Variants in SPATA16 observed in about 807,000 individuals in gnomAD.
The protein encoded by SPATA16 is spermatogenesis-associated protein 16.
In SPATA16, 36 loss-of-function variants were observed where a neutral mutation model predicts 63.3. That is an observed-to-expected ratio of 0.57 (90% confidence interval 0.44 to 0.75). The LOEUF (loss-of-function observed/expected upper bound fraction) is 0.75, where lower values mean the gene tolerates loss of function less well. SPATA16 is among the 30% of genes least tolerant of loss of function. The probability of loss-of-function intolerance (pLI) is 0.00; values close to 1 mark genes in which losing one functional copy is unlikely to be tolerated. For synonymous variants in SPATA16, 203 were observed against 216.7 expected, an observed-to-expected ratio of 0.94 and a Z score of 0.56; for missense variants, 646 against 679.3, an observed-to-expected ratio of 0.95 and a Z score of 0.54.
intron 5 of SPATA16, 29 bp from the exon 6 acceptor site, chr3:172,956,853 A>G (rs1330970980): frequency 6.2e-7 from 1 of 1,612,644 alleles, no homozygotes; most frequent in Non-Finnish European, 8.5e-7. Flanking sequence ...CCCATTTGGC[A>G]TCAATAACAA....
intron 2 of SPATA16, among the ~76,000 whole-genome samples, chr3:173,052,098 A>T (rs954318458): frequency 9.2e-5 from 14 of 152,306 alleles, no homozygotes; most frequent in African/African-American, 3.4e-4. Flanking sequence ...GGCGTGAGCC[A>T]CCGTGGGATA....
At chr3:172,946,632 A>G (rs57042781) in intron 6 of SPATA16, among the ~76,000 whole-genome samples, 13,292 of 152,186 alleles carry the variant, frequency 0.087, 1,944 homozygotes, top group African/African-American at 0.3. Flanking sequence ...AGAAAAATGG[A>G]AAGGACTTTG....
At chr3:173,016,225 G>T (rs943454434) in intron 4 of SPATA16, among the ~76,000 whole-genome samples, 3 of 152,126 alleles carry the variant, frequency 2.0e-5, no homozygotes, top group Admixed American at 2.0e-4. Flanking sequence ...CTTTCTTCTG[G>T]TAGAATGTTA....
rs1376715042 is a variant in SPATA16, at chr3:173,109,278, G to A, written c.612+7842C>T. Among the ~76,000 whole-genome samples, 3 of 152,104 alleles carry A rather than the reference G, an allele frequency of 2.0e-5. No homozygotes were observed. The East Asian group carries it at 5.8e-4, about 29-fold the overall frequency. On this transcript the variant is annotated intron_variant, in intron 2 of 10. Transcript: ENST00000351008. ...TTCACAACTTCTCCCATGTTATGGG[G>A]GCTGCATACAAATAGGAACTGTGGC...
intron 2 of SPATA16, among the ~76,000 whole-genome samples, chr3:173,049,685 C>T (rs1736038733): frequency 6.6e-6 from 1 of 152,058 alleles, no homozygotes; most frequent in South Asian, 2.1e-4. Flanking sequence ...AATTTATTGG[C>T]AGAGGACACA....
intron 2 of SPATA16, among the ~76,000 whole-genome samples, chr3:173,088,376 CT>C (rs986804693): frequency 6.6e-6 from 1 of 152,000 alleles, no homozygotes; most frequent in African/African-American, 2.4e-5. Context: ...AGCCACTGCA[CT>C]TGGTCGCCAA....
intron 6 of SPATA16, among the ~76,000 whole-genome samples, chr3:172,939,227 T>C (rs758620655): frequency 6.6e-6 from 1 of 152,186 alleles, no homozygotes; most frequent in Non-Finnish European, 1.5e-5. Context: ...ACGCGTTAGC[T>C]GCCTGATCCT....
At chr3:173,048,248 C>T (rs547456139) in intron 3 of SPATA16, among the ~76,000 whole-genome samples, 34 of 151,932 alleles carry the variant, frequency 2.2e-4, no homozygotes, top group Non-Finnish European at 4.1e-4. Context: ...TCAAGGAAAG[C>T]GTTTGTTGAA....
At chr3:173,043,410 A>G (rs1735890323) in intron 3 of SPATA16, among the ~76,000 whole-genome samples, 1 of 151,974 alleles carries the variant, frequency 6.6e-6, no homozygotes, top group African/African-American at 2.4e-5. Context: ...TACTATAGTA[A>G]AATTCCATTT....
At chr3:173,057,295 A>C (rs2108298522) in intron 2 of SPATA16, among the ~76,000 whole-genome samples, 1 of 151,730 alleles carries the variant, frequency 6.6e-6, no homozygotes, top group South Asian at 2.1e-4. Flanking sequence ...TGTATTTTTT[A>C]GTAAAGACGG....
At chr3:173,010,049 C>T (rs78762244) in intron 4 of SPATA16, among the ~76,000 whole-genome samples, 1,544 of 152,218 alleles carry the variant, frequency 0.01, 22 homozygotes, top group African/African-American at 0.035. Context: ...ATCAGAGGTA[C>T]TTTCATTTTT....
intron 3 of SPATA16, among the ~76,000 whole-genome samples, chr3:173,035,045 G>T (rs780478468): frequency 6.6e-6 from 1 of 152,056 alleles, no homozygotes; most frequent in Non-Finnish European, 1.5e-5. Flanking sequence ...GAAAGAATAC[G>T]CTTTCCAGAT....
intron 6 of SPATA16, among the ~76,000 whole-genome samples, chr3:172,942,447 C>A (rs1350207131): frequency 6.6e-6 from 1 of 151,872 alleles, no homozygotes; most frequent in Non-Finnish European, 1.5e-5. Flanking sequence ...GATTTTAATA[C>A]AAAAAACGTT....
chr3:172,925,555 C>T (rs1199282240), intron 6 of SPATA16, 63 bp from the exon 7 acceptor site: 2 of 1,595,020 alleles, frequency 1.3e-6, no homozygotes, highest in Middle Eastern at 1.7e-4. Context: ...TTAGGGTTTT[C>T]CCCCCCAGAT....
intron 3 of SPATA16, among the ~76,000 whole-genome samples, chr3:173,025,145 AAATT>A (rs953531152): frequency 2.0e-5 from 3 of 151,444 alleles, no homozygotes. Context: ...CTATATATGA[AAATT>A]AATAAATGGT....
intron 3 of SPATA16, among the ~76,000 whole-genome samples, chr3:173,033,837 T>TG (rs1308217715): frequency 2.6e-5 from 4 of 152,156 alleles, no homozygotes. Flanking sequence ...CCCAGGTAGC[T>TG]GGGACTACAG....
chr3:173,125,493 C>T (rs1484846430), intron 1 of SPATA16, among the ~76,000 whole-genome samples: 1 of 152,190 alleles, frequency 6.6e-6, no homozygotes, highest in Non-Finnish European at 1.5e-5. Flanking sequence ...CATATCTTTC[C>T]CCCTTGGTCT....
chr3:173,010,165 C>T (rs913055529), intron 4 of SPATA16, among the ~76,000 whole-genome samples: 1 of 152,240 alleles, frequency 6.6e-6, no homozygotes, highest in Admixed American at 6.5e-5. Flanking sequence ...TTCTGCCTCA[C>T]CTGAGCACTC....
intron 2 of SPATA16, among the ~76,000 whole-genome samples, chr3:173,074,560 C>T (rs141224492): frequency 0.022 from 3,298 of 152,268 alleles, 118 homozygotes; most frequent in African/African-American, 0.075. Flanking sequence ...TTGCCTTCCA[C>T]CATGATTGTG....
Sources: allele counts gnomAD v4.1 joint callset (sites outside exome capture counted in the v4.1 genomes callset), GRCh38; gene constraint gnomAD v4.1.1; transcripts MANE v1.5; gene names NCBI Gene and HGNC (gene_info 2026-07-23, HGNC 2026-07-21).